Variants in SLC35E3 observed in about 807,000 individuals in gnomAD.
SLC35E3 encodes bladder cancer-overexpressed gene 1 protein.
Under a neutral mutation model 30.8 loss-of-function variants are expected in SLC35E3, and 28 were observed. That is an observed-to-expected ratio of 0.91 (90% confidence interval 0.67 to 1.25). The LOEUF (loss-of-function observed/expected upper bound fraction) is 1.25, where lower values mean the gene tolerates loss of function less well. Among genes scored for constraint, SLC35E3 ranks in the 50% most tolerant of loss-of-function variants. The probability of loss-of-function intolerance (pLI) is 0.00; values close to 1 mark genes in which losing one functional copy is unlikely to be tolerated. For missense variants in SLC35E3, 365 were observed against 375.4 expected, an observed-to-expected ratio of 0.97 and a Z score of 0.23; for synonymous variants, 146 against 149.2, an observed-to-expected ratio of 0.98 and a Z score of 0.16.
Position 68,759,139 on chromosome 12 carries a change from C to A in SLC35E3, c.673-18C>A. On this transcript the variant is annotated intron_variant, in intron 3 of 4. Coordinates refer to ENST00000398004, the MANE Select transcript of SLC35E3 (RefSeq NM_018656.5). Reference sequence around the variant, plus strand: ...ATTGCAGTGCTTTGCATTAATGGTTCTTTTGGTTTATTTGTAGCTTATGGT... The same window carrying A: ...ATTGCAGTGCTTTGCATTAATGGTTATTTTGGTTTATTTGTAGCTTATGGT... The A allele has an allele frequency of 3.2e-6, 5 of 1,571,228 alleles. No individual in the cohort carries two copies. Among genetic ancestry groups the A allele is most frequent in the Non-Finnish European group, 4.4e-6 (5 of 1,145,714 alleles).
Position 68,770,369 on chromosome 12 carries a change from AG to A in SLC35E3, c.*5481del, listed in dbSNP as rs1317766050. On this transcript the variant is annotated 3_prime_UTR_variant, in exon 5 of 5. Transcript: ENST00000398004. ...AAATTTCTTTTTTTGAAATTAGTGGAGGAGAACCAGAGAGATGCCAGGAGAC... is the reference window on the plus strand; with the variant it reads ...AAATTTCTTTTTTTGAAATTAGTGGAGAGAACCAGAGAGATGCCAGGAGAC... 3 of 152,374 alleles carry A rather than the reference AG, an allele frequency of 2.0e-5. No homozygotes were observed. Among genetic ancestry groups the A allele is most frequent in the Non-Finnish European group, 2.9e-5 (2 of 68,118 alleles). 9.4% of individuals were successfully genotyped at this position (152,374 alleles called of 1,614,324 possible).
In SLC35E3 at chr12:68,775,480, G is replaced by A. The variant is rs1008082419; in HGVS notation, c.*10590G>A. On this transcript the variant is annotated 3_prime_UTR_variant, in exon 5 of 5. Coordinates refer to ENST00000398004, the MANE Select transcript of SLC35E3 (RefSeq NM_018656.5). ...GAGGGCCTCACGTGGTGAGGGACTTGAGCATGGTAGCTCAGGTCTCTCTTC... is the reference window on the plus strand; with the variant it reads ...GAGGGCCTCACGTGGTGAGGGACTTAAGCATGGTAGCTCAGGTCTCTCTTC... 6.6e-6 allele frequency: 1 copy of A among 152,204 alleles called. No individual in the cohort carries two copies. The highest frequency in any genetic ancestry group is 1.5e-5 in the Non-Finnish European group (1 of 68,038). The allele number at this position is 152,204 out of a possible 1,614,324, so 9.4% of individuals were successfully genotyped here. A position where few individuals can be genotyped will look rare whatever the true frequency, so the allele number is the denominator to read the frequency against.
In SLC35E3 at chr12:68,746,361, C is replaced by G. The variant is rs1878553182; in HGVS notation, c.-17C>G. ...GCGCCCCTTCCGAGGCTAGACGGCC[C>G]CAGCTTCGCGGGGATCATGGCATTG... On this transcript the variant is annotated 5_prime_UTR_variant, in exon 1 of 5. Coordinates refer to ENST00000398004, the MANE Select transcript of SLC35E3 (RefSeq NM_018656.5). 2 of 1,548,900 alleles carry G rather than the reference C, an allele frequency of 1.3e-6. No individual in the cohort carries two copies. Among genetic ancestry groups the G allele is most frequent in the Non-Finnish European group, 1.7e-6 (2 of 1,146,970 alleles).
At position 68,768,298 on chromosome 12, in the gene SLC35E3, A is replaced by G. The variant is rs990428361; in HGVS notation, c.*3408A>G. On this transcript the variant is annotated 3_prime_UTR_variant, in exon 5 of 5. Coordinates refer to ENST00000398004, the MANE Select transcript of SLC35E3 (RefSeq NM_018656.5). ...GAGTGAAACTCTGTCTCAAAAAAAGAAAAAAAAAAAGAAATTTTTAACCGT... is the reference window on the plus strand; with the variant it reads ...GAGTGAAACTCTGTCTCAAAAAAAGGAAAAAAAAAAGAAATTTTTAACCGT... The G allele has an allele frequency of 2.1e-5, 3 of 145,212 alleles. No individual in the cohort carries two copies. The highest frequency in any genetic ancestry group is 4.6e-5 in the Non-Finnish European group (3 of 65,696). The allele number at this position is 145,212 out of a possible 1,614,324, so 9.0% of individuals were successfully genotyped here.
rs1294504420 is a variant in SLC35E3 at position 68,778,406 on chromosome 12, G to T, written c.*13516G>T. On this transcript the variant is annotated 3_prime_UTR_variant, in exon 5 of 5. Coordinates refer to ENST00000398004, the MANE Select transcript of SLC35E3 (RefSeq NM_018656.5). Reference sequence around the variant, plus strand: ...AGCCTAGAACACACACTCCTTTCAAGTACCTGAGGAATGTTTATAACAGTA... The same window carrying T: ...AGCCTAGAACACACACTCCTTTCAATTACCTGAGGAATGTTTATAACAGTA... The T allele has an allele frequency of 6.6e-6, 1 of 152,192 alleles. No homozygotes were observed. The highest frequency in any genetic ancestry group is 1.5e-5 in the Non-Finnish European group (1 of 68,046). 9.4% of individuals were successfully genotyped at this position (152,192 alleles called of 1,614,324 possible).
chr12:68,760,316 C>T (rs1879198394), intron 4 of SLC35E3: 1 of 152,160 alleles, frequency 6.6e-6, no homozygotes, highest in Admixed American at 6.6e-5. Flanking sequence ...AAATGAATTT[C>T]CCCAGGAAGT....
At chr12:68,749,138 G>A (rs1195465309) in intron 2 of SLC35E3, among the ~76,000 whole-genome samples, 2 of 152,170 alleles carry the variant, frequency 1.3e-5, no homozygotes, top group African/African-American at 2.4e-5. Flanking sequence ...CACCATCTCT[G>A]TCACTATGAC....
chr12:68,748,379 AC>A (rs1878674223), intron 2 of SLC35E3, among the ~76,000 whole-genome samples: 1 of 152,138 alleles, frequency 6.6e-6, no homozygotes, highest in Non-Finnish European at 1.5e-5. Context: ...TTTACTTTTA[AC>A]ATTGTTGTGA....
rs1447891492 is a variant in SLC35E3 at position 68,775,585 on chromosome 12, T to C, written c.*10695T>C. Reference sequence around the variant, plus strand: ...CTTTTAAAGGCGCCATCTCTCAATATTGCCACATTGGGGATGTTTCCAGAT... The same window carrying C: ...CTTTTAAAGGCGCCATCTCTCAATACTGCCACATTGGGGATGTTTCCAGAT... On this transcript the variant is annotated 3_prime_UTR_variant, in exon 5 of 5. Transcript: ENST00000398004. The C allele has an allele frequency of 6.6e-6, 1 of 152,174 alleles. No individual in the cohort carries two copies. Among genetic ancestry groups the C allele is most frequent in the African/African-American group, 2.4e-5 (1 of 41,438 alleles). 9.4% of individuals were successfully genotyped at this position (152,174 alleles called of 1,614,324 possible).
In SLC35E3 at chr12:68,778,520, T is replaced by C. The variant is rs1879801979; in HGVS notation, c.*13630T>C. ...ACAGGGTCTTGCCGGCCAGGCGTGG[T>C]GACTCATGCCTGTAATCTCAGCACT... On this transcript the variant is annotated 3_prime_UTR_variant, in exon 5 of 5. Coordinates refer to ENST00000398004, the MANE Select transcript of SLC35E3 (RefSeq NM_018656.5). 6.6e-6 allele frequency: 1 copy of C among 152,224 alleles called. No homozygotes were observed. Among genetic ancestry groups the C allele is most frequent in the South Asian group, 2.1e-4 (1 of 4,828 alleles). The allele number at this position is 152,224 out of a possible 1,614,324, so 9.4% of individuals were successfully genotyped here. A position where few individuals can be genotyped will look rare whatever the true frequency, so the allele number is the denominator to read the frequency against.
intron 1 of SLC35E3, 56 bp from the exon 2 acceptor site, chr12:68,747,874 T>A: frequency 1.1e-6 from 1 of 879,604 alleles, no homozygotes; most frequent in Non-Finnish European, 1.9e-6. Context: ...AAAGGAATAC[T>A]AAATTTTTGT....
rs1879539219 is a variant in SLC35E3 at position 68,769,258 on chromosome 12, A to G, written c.*4368A>G. The G allele has an allele frequency of 6.6e-6, 1 of 151,882 alleles. No individual in the cohort carries two copies. The highest frequency in any genetic ancestry group is 2.1e-4 in the South Asian group (1 of 4,806). 9.4% of individuals were successfully genotyped at this position (151,882 alleles called of 1,614,324 possible). ...CTCCATCTCAATAATAATAATAATA[A>G]TAACAAAGCAGCAACATTAATCAAG... On this transcript the variant is annotated 3_prime_UTR_variant, in exon 5 of 5. Coordinates refer to ENST00000398004, the MANE Select transcript of SLC35E3 (RefSeq NM_018656.5).
rs1269810340 is a variant in SLC35E3 at position 68,770,483 on chromosome 12, A to T, written c.*5593A>T. The T allele has an allele frequency of 6.6e-6, 1 of 152,552 alleles. No individual in the cohort carries two copies. The highest frequency in any genetic ancestry group is 1.5e-5 in the Non-Finnish European group (1 of 68,174). 9.4% of individuals were successfully genotyped at this position (152,552 alleles called of 1,614,324 possible). ...TAAGTGGAAATAATTGAGTAGCTGG[A>T]GTCAACTGGACTGGAGATGGATTGG... On this transcript the variant is annotated 3_prime_UTR_variant, in exon 5 of 5. Coordinates refer to ENST00000398004, the MANE Select transcript of SLC35E3 (RefSeq NM_018656.5).
chr12:68,758,729 CTTTTTTTTT>C (rs776771224), intron 3 of SLC35E3, among the ~76,000 whole-genome samples: 2 of 48,376 alleles, frequency 4.1e-5, no homozygotes, highest in African/African-American at 8.1e-5. Context: ...AATTCTCTTT[CTTTTTTTTT>C]TTTTTTTTTT....
rs1879666003 is a variant in SLC35E3, at chr12:68,773,759, C to T, written c.*8869C>T. On this transcript the variant is annotated 3_prime_UTR_variant, in exon 5 of 5. Transcript: ENST00000398004. ...GTTCTTAGAGAATTATGGTGTGACT[C>T]ATTGACCATATTTGTTAGGATCAGC... 6.6e-6 allele frequency: 1 copy of T among 152,084 alleles called. No individual in the cohort carries two copies. Among genetic ancestry groups the T allele is most frequent in the African/African-American group, 2.4e-5 (1 of 41,414 alleles). The allele number at this position is 152,084 out of a possible 1,614,324, so 9.4% of individuals were successfully genotyped here. A position where few individuals can be genotyped will look rare whatever the true frequency, so the allele number is the denominator to read the frequency against.
chr12:68,781,342 A>G lies in SLC35E3; in HGVS notation c.*16452A>G, dbSNP rs1481334110. ...GGAAAAAACAAGATCCTTTGTTTGT[A>G]TAAGTACAATCAGTTTGCTGAATAA... On this transcript the variant is annotated 3_prime_UTR_variant, in exon 5 of 5. Coordinates refer to ENST00000398004, the MANE Select transcript of SLC35E3 (RefSeq NM_018656.5). 2.6e-5 allele frequency: 4 copies of G among 152,256 alleles called. No individual in the cohort carries two copies. Among genetic ancestry groups the G allele is most frequent in the Non-Finnish European group, 2.9e-5 (2 of 68,052 alleles). 9.4% of individuals were successfully genotyped at this position (152,256 alleles called of 1,614,324 possible).
intron 3 of SLC35E3, among the ~76,000 whole-genome samples, chr12:68,752,441 T>C (rs889241985): frequency 1.3e-5 from 2 of 152,238 alleles, no homozygotes; most frequent in Non-Finnish European, 2.9e-5. Context: ...TGTCTTCCGA[T>C]GCCTGGTTAC....
Position 68,746,780 on chromosome 12 carries a change from G to A in SLC35E3, c.402+1G>A. 2 of 1,567,936 alleles carry A rather than the reference G, an allele frequency of 1.3e-6. No homozygotes were observed. The highest frequency in any genetic ancestry group is 1.2e-5 in the South Asian group (1 of 85,290). On this transcript the variant is annotated splice_donor_variant, in intron 1 of 4. Coordinates refer to ENST00000398004, the MANE Select transcript of SLC35E3 (RefSeq NM_018656.5). LOFTEE classifies it high-confidence loss of function. ...CTCCACCAGAATCCAGCTCACGCTG[G>A]TGAGTAGCTTCAGCTTCCCAAGGCG...
At chr12:68,747,809 A>G (rs754828087) in intron 1 of SLC35E3, 121 bp from the exon 2 acceptor site, 6 of 555,286 alleles carry the variant, frequency 1.1e-5, no homozygotes, top group Admixed American at 6.8e-5. Context: ...AAACATTTAT[A>G]CAGGTTCATT....
Sources: gnomAD v4.1 joint callset for allele counts (sites outside exome capture counted in the v4.1 genomes callset) on GRCh38, gnomAD v4.1.1 for gene constraint, MANE v1.5 for transcripts, NCBI Gene and HGNC (gene_info 2026-07-23, HGNC 2026-07-21) for gene names.